Variants in PMAIP1 observed in about 807,000 individuals in gnomAD.
PMAIP1 encodes PMA-induced protein 1.
In PMAIP1, 3 loss-of-function variants were observed where a neutral mutation model predicts 3.7. The observed-to-expected ratio is 0.82, with a 90% CI of 0.37 to 2.12. The LOEUF (loss-of-function observed/expected upper bound fraction) is 2.12. Ranked by LOEUF, PMAIP1 falls within the 30% of genes most tolerant of loss-of-function variation. The pLI, the probability that PMAIP1 is intolerant of heterozygous loss-of-function variation, is 0.06. For missense variants in PMAIP1, 77 were observed against 67.1 expected (o/e 1.15, Z -0.52); for synonymous variants, 29 against 26.2 (o/e 1.11, Z -0.32).
rs1187502660 is a variant in PMAIP1 at position 59,903,567 on chromosome 18, T to G, written c.*814T>G. Reference sequence around the variant, plus strand: ...AAAGAAGTTAATTTTTAATTGATGTTTTTGAAACTTAGTAGAACAAATATT... The same window carrying G: ...AAAGAAGTTAATTTTTAATTGATGTGTTTGAAACTTAGTAGAACAAATATT... On this transcript the variant is annotated 3_prime_UTR_variant, in exon 2 of 2. Coordinates refer to ENST00000316660, the MANE Select transcript of PMAIP1 (RefSeq NM_021127.3). 1 of 152,216 alleles carries G rather than the reference T, an allele frequency of 6.6e-6. No individual in the cohort carries two copies. The highest frequency in any genetic ancestry group is 1.5e-5 in the Non-Finnish European group (1 of 68,034). 9.4% of individuals were successfully genotyped at this position (152,216 alleles called of 1,614,324 possible).
Position 59,903,814 on chromosome 18 carries a change from ATACT to A in PMAIP1, c.*1065_*1068del, listed in dbSNP as rs1471477484. 1 of 152,168 alleles carries A rather than the reference ATACT, an allele frequency of 6.6e-6. No individual in the cohort carries two copies. The highest frequency in any genetic ancestry group is 2.4e-5 in the African/African-American group (1 of 41,460). The allele number at this position is 152,168 out of a possible 1,614,324, so 9.4% of individuals were successfully genotyped here. On this transcript the variant is annotated 3_prime_UTR_variant, in exon 2 of 2. Coordinates refer to ENST00000316660, the MANE Select transcript of PMAIP1 (RefSeq NM_021127.3). ...CATTGGTGAATATATATGTATACAC[ATACT>A]TACATACTTATATGGGTATCTGTAT... is the stretch of plus-strand genomic sequence containing the variant.
Position 59,901,820 on chromosome 18 carries a change from G to GA in PMAIP1, c.59-820dup, listed in dbSNP as rs200349900. 1.2e-3 allele frequency among the ~76,000 whole-genome samples: 184 copies of GA among 152,138 alleles called. 4 individuals are homozygous for GA. The East Asian group carries it at 0.031, about 26-fold the overall frequency. ...CAGTATAGTGTTAACTGCACTTACT[G>GA]AAAAAAAGTGTACTTGGAAATTATA... On this transcript the variant is annotated intron_variant, in intron 1 of 1. Transcript: ENST00000316660.
chr18:59,904,001 A>C lies in PMAIP1; in HGVS notation c.*1248A>C, dbSNP rs2055792068. Reference sequence around the variant, plus strand: ...TATTTTGCCTATTTATAATTAAAGTATTTTTCTTTAGTTTGAAAATGTGTA... The same window carrying C: ...TATTTTGCCTATTTATAATTAAAGTCTTTTTCTTTAGTTTGAAAATGTGTA... On this transcript the variant is annotated 3_prime_UTR_variant, in exon 2 of 2. Coordinates refer to ENST00000316660, the MANE Select transcript of PMAIP1 (RefSeq NM_021127.3). 1 of 152,084 alleles carries C rather than the reference A, an allele frequency of 6.6e-6. No homozygotes were observed. The highest frequency in any genetic ancestry group is 6.6e-5 in the Admixed American group (1 of 15,266). The allele number at this position is 152,084 out of a possible 1,614,324, so 9.4% of individuals were successfully genotyped here.
intron 1 of PMAIP1, 160 bp downstream of exon 1, chr18:59,900,395 G>T (rs2055753364): frequency 6.5e-7 from 1 of 1,549,204 alleles, no homozygotes; most frequent in African/African-American, 1.4e-5. Flanking sequence ...CCTTAGGGGC[G>T]CCTCCAGAAA....
chr18:59,903,004 CTTGAA>C lies in PMAIP1; in HGVS notation c.*252_*256del. 1.6e-6 allele frequency: 1 copy of C among 622,550 alleles called. No individual in the cohort carries two copies. The highest frequency in any genetic ancestry group is 2.8e-6 in the Non-Finnish European group (1 of 352,656). The allele number at this position is 622,550 out of a possible 1,614,324, so 38.6% of individuals were successfully genotyped here. A position where few individuals can be genotyped will look rare whatever the true frequency, so the allele number is the denominator to read the frequency against. Reference sequence around the variant, plus strand: ...TATTTTAAAGCAAGAATGGAAGACCCTTGAAAATAAAGAAGTAATTATTGACACAT... The same window carrying C: ...TATTTTAAAGCAAGAATGGAAGACCCAATAAAGAAGTAATTATTGACACAT... On this transcript the variant is annotated 3_prime_UTR_variant, in exon 2 of 2. Coordinates refer to ENST00000316660, the MANE Select transcript of PMAIP1 (RefSeq NM_021127.3).
Position 59,900,164 on chromosome 18 carries a change from C to G in PMAIP1, c.-14C>G, listed in dbSNP as rs1438840056. 4 of 1,556,132 alleles carry G rather than the reference C, an allele frequency of 2.6e-6. No individual in the cohort carries two copies. The Admixed American group carries it at 7.7e-5, about 30-fold the overall frequency. ...CCGGGCTCTGTAGCTGAGTGGGCGG[C>G]GGCACCGGCGGAGATGCCTGGGAAG... On this transcript the variant is annotated 5_prime_UTR_variant, in exon 1 of 2. Transcript: ENST00000316660.
chr18:59,900,147 T>C lies in PMAIP1; in HGVS notation c.-31T>C, dbSNP rs2055748117. The C allele has an allele frequency of 6.4e-7, 1 of 1,551,798 alleles. No homozygotes were observed. The highest frequency in any genetic ancestry group is 8.7e-7 in the Non-Finnish European group (1 of 1,152,696). On this transcript the variant is annotated 5_prime_UTR_variant, in exon 1 of 2. Transcript: ENST00000316660. ...GTTGGAGGCTGAGGTTCCCGGGCTC[T>C]GTAGCTGAGTGGGCGGCGGCACCGG...
Position 59,902,935 on chromosome 18 carries a change from T to G in PMAIP1, c.*182T>G. Reference sequence around the variant, plus strand: ...GAATTTCTGTTCAAGTTTTCCCAGATTATCATTCTTTGGGATGAGAGAACA... The same window carrying G: ...GAATTTCTGTTCAAGTTTTCCCAGAGTATCATTCTTTGGGATGAGAGAACA... On this transcript the variant is annotated 3_prime_UTR_variant, in exon 2 of 2. Transcript: ENST00000316660. 1 of 992,186 alleles carries G rather than the reference T, an allele frequency of 1.0e-6. No individual in the cohort carries two copies. The highest frequency in any genetic ancestry group is 1.5e-5 in the South Asian group (1 of 67,296). The allele number at this position is 992,186 out of a possible 1,614,324, so 61.5% of individuals were successfully genotyped here.
chr18:59,903,178 T>C lies in PMAIP1; in HGVS notation c.*425T>C. 1 of 355,992 alleles carries C rather than the reference T, an allele frequency of 2.8e-6. No individual in the cohort carries two copies. The allele number at this position is 355,992 out of a possible 1,614,324, so 22.1% of individuals were successfully genotyped here. A position where few individuals can be genotyped will look rare whatever the true frequency, so the allele number is the denominator to read the frequency against. ...GTTGTTGTTGCTGTTTTTGGTGTTTTGCTTTTCAGTGCCAACTCAGCACAT... is the reference window on the plus strand; with the variant it reads ...GTTGTTGTTGCTGTTTTTGGTGTTTCGCTTTTCAGTGCCAACTCAGCACAT... On this transcript the variant is annotated 3_prime_UTR_variant, in exon 2 of 2. Transcript: ENST00000316660.
At chr18:59,900,584 C>A in intron 1 of PMAIP1, 1 of 1,550,176 alleles carries the variant, frequency 6.5e-7, no homozygotes, top group African/African-American at 1.4e-5. Context: ...CAAGTGTAGG[C>A]GGCTGTCTCT....
At position 59,902,949 on chromosome 18, in the gene PMAIP1, G is replaced by A. The variant is rs987452541; in HGVS notation, c.*196G>A. ...GTTTTCCCAGATTATCATTCTTTGG[G>A]ATGAGAGAACATTATAAAACCACTT... On this transcript the variant is annotated 3_prime_UTR_variant, in exon 2 of 2. Transcript: ENST00000316660. 8.1e-6 allele frequency: 7 copies of A among 869,302 alleles called. No individual in the cohort carries two copies. In the South Asian group the frequency reaches 8.1e-5, roughly 10 times the overall value. The allele number at this position is 869,302 out of a possible 1,614,324, so 53.8% of individuals were successfully genotyped here.
In PMAIP1 at chr18:59,903,320, T is replaced by G. The variant is rs1974607389; in HGVS notation, c.*567T>G. ...CGGTCACTACACAACGTAAAATCAT[T>G]TGTTTCTTTTGACTCAAATTGTATT... On this transcript the variant is annotated 3_prime_UTR_variant, in exon 2 of 2. Transcript: ENST00000316660. The G allele has an allele frequency of 6.4e-6, 1 of 157,074 alleles. No individual in the cohort carries two copies. Among genetic ancestry groups the G allele is most frequent in the South Asian group, 1.9e-4 (1 of 5,300 alleles). 9.7% of individuals were successfully genotyped at this position (157,074 alleles called of 1,614,324 possible). A position where few individuals can be genotyped will look rare whatever the true frequency, so the allele number is the denominator to read the frequency against.
chr18:59,901,095 A>G (rs2055764592), intron 1 of PMAIP1, among the ~76,000 whole-genome samples: 1 of 152,238 alleles, frequency 6.6e-6, no homozygotes, highest in Middle Eastern at 3.4e-3. Context: ...AGCTTTGTCT[A>G]CCTTTTGTGA....
Position 59,902,902 on chromosome 18 carries a change from A to G in PMAIP1, c.*149A>G, listed in dbSNP as rs1232549705. The G allele has an allele frequency of 2.4e-6, 3 of 1,255,826 alleles. No individual in the cohort carries two copies. Among genetic ancestry groups the G allele is most frequent in the South Asian group, 1.3e-5 (1 of 77,198 alleles). 77.8% of individuals were successfully genotyped at this position (1,255,826 alleles called of 1,614,324 possible). A position where few individuals can be genotyped will look rare whatever the true frequency, so the allele number is the denominator to read the frequency against. ...CCCTTGGAAACGGAAGATGGAATACATCAAAGTGAATTTCTGTTCAAGTTT... is the reference window on the plus strand; with the variant it reads ...CCCTTGGAAACGGAAGATGGAATACGTCAAAGTGAATTTCTGTTCAAGTTT... On this transcript the variant is annotated 3_prime_UTR_variant, in exon 2 of 2. Transcript: ENST00000316660.
Position 59,900,068 on chromosome 18 carries a change from C to A in PMAIP1, c.-110C>A. The A allele has an allele frequency of 1.7e-6, 2 of 1,169,096 alleles. No homozygotes were observed. The highest frequency in any genetic ancestry group is 1.2e-6 in the Non-Finnish European group (1 of 849,252). The allele number at this position is 1,169,096 out of a possible 1,614,324, so 72.4% of individuals were successfully genotyped here. A position where few individuals can be genotyped will look rare whatever the true frequency, so the allele number is the denominator to read the frequency against. The stretch of plus-strand genomic sequence containing the variant: ...CGGACACCCGATCCCAGCATCCCTG[C>A]CTGCAGGACTGTTCGTGTTCAGCTC... On this transcript the variant is annotated 5_prime_UTR_variant, in exon 1 of 2. Coordinates refer to ENST00000316660, the MANE Select transcript of PMAIP1 (RefSeq NM_021127.3).
Position 59,902,732 on chromosome 18 carries a change from A to G in PMAIP1, c.144A>G (p.Lys48=). The stretch of plus-strand genomic sequence containing the variant: ...AGAAACTTCTGAATCTGATATCCAA[A>G]CTCTTCTGCTCAGGAACCTGACTGC... ...FRQKLLNLIS[K]LFCSGT The change falls in exon 2 of 2, where the codon AAA becomes AAG. Residue 48 remains lysine, a synonymous_variant. Coordinates refer to ENST00000316660, the MANE Select transcript of PMAIP1 (RefSeq NM_021127.3). 1.2e-6 allele frequency: 2 copies of G among 1,613,968 alleles called. No individual in the cohort carries two copies. Among genetic ancestry groups the G allele is most frequent in the Non-Finnish European group, 1.7e-6 (2 of 1,179,968 alleles).
intron 1 of PMAIP1, among the ~76,000 whole-genome samples, chr18:59,901,476 C>T (rs1439725763): frequency 2.0e-5 from 3 of 151,902 alleles, no homozygotes. Context: ...ATCTTGTAGC[C>T]CATAAAGAAT....
Position 59,902,871 on chromosome 18 carries a change from T to C in PMAIP1, c.*118T>C, listed in dbSNP as rs763878145. The C allele has an allele frequency of 6.6e-7, 1 of 1,526,472 alleles. No individual in the cohort carries two copies. The highest frequency in any genetic ancestry group is 8.9e-7 in the Non-Finnish European group (1 of 1,117,704). 94.6% of individuals were successfully genotyped at this position (1,526,472 alleles called of 1,614,324 possible). A position where few individuals can be genotyped will look rare whatever the true frequency, so the allele number is the denominator to read the frequency against. On this transcript the variant is annotated 3_prime_UTR_variant, in exon 2 of 2. Coordinates refer to ENST00000316660, the MANE Select transcript of PMAIP1 (RefSeq NM_021127.3). ...TGAGAGGAATGTGAAGGTGCATTCA[T>C]GGGTGCCCTTGGAAACGGAAGATGG...
rs571368595 is a variant in PMAIP1 at position 59,903,574 on chromosome 18, A to C, written c.*821A>C. On this transcript the variant is annotated 3_prime_UTR_variant, in exon 2 of 2. Transcript: ENST00000316660. The stretch of plus-strand genomic sequence containing the variant: ...TTAATTTTTAATTGATGTTTTTGAA[A>C]CTTAGTAGAACAAATATTCAGAAGT... The C allele has an allele frequency of 2.0e-5, 3 of 152,354 alleles. No individual in the cohort carries two copies. The highest frequency in any genetic ancestry group is 7.2e-5 in the African/African-American group (3 of 41,596). The allele number at this position is 152,354 out of a possible 1,614,324, so 9.4% of individuals were successfully genotyped here.
Sources: allele counts gnomAD v4.1 joint callset (sites outside exome capture counted in the v4.1 genomes callset), GRCh38; gene constraint gnomAD v4.1.1; transcripts MANE v1.5; gene names NCBI Gene and HGNC (gene_info 2026-07-23, HGNC 2026-07-21).